DPP10: variants seen among roughly 807,000 people sequenced by gnomAD.
DPP10 encodes dipeptidyl peptidase like 10.
DPP10 carries 33 observed loss-of-function variants against 120.9 expected under a neutral mutation model. The ratio of observed to expected loss-of-function variants is 0.27; its 90% CI spans 0.21 to 0.37. DPP10 has a LOEUF of 0.37. DPP10 is among the 10% of genes least tolerant of loss of function. The pLI, the probability that DPP10 is intolerant of heterozygous loss-of-function variation, is 1.00. For missense variants in DPP10, 816 were observed against 942.8 expected (o/e 0.87, Z 1.76); for synonymous variants, 337 against 326.1 (o/e 1.03, Z -0.36).
At chr2:115,750,361 A>G (rs62156285) in intron 10 of DPP10, among the ~76,000 whole-genome samples, 12,384 of 152,256 alleles carry the variant, frequency 0.081, 666 homozygotes, top group Non-Finnish European at 0.12. Context: ...CTCCCTGCCT[A>G]TGTGTCAAGC....
intron 3 of DPP10, among the ~76,000 whole-genome samples, chr2:115,435,001 CA>C: frequency 6.6e-6 from 1 of 151,248 alleles, no homozygotes; most frequent in South Asian, 2.1e-4. Flanking sequence ...CTGCAAATGA[CA>C]AGATTTTATT....
intron 7 of DPP10, among the ~76,000 whole-genome samples, chr2:115,709,988 G>A (rs1008601329): frequency 8.5e-5 from 13 of 152,168 alleles, no homozygotes; most frequent in African/African-American, 2.6e-4. Context: ...AAATGTTAGC[G>A]AAACTGTTGA....
chr2:115,236,615 G>A (rs1236082779), intron 1 of DPP10, among the ~76,000 whole-genome samples: 1 of 152,154 alleles, frequency 6.6e-6, no homozygotes, highest in Admixed American at 6.6e-5. Flanking sequence ...TCTCTGGCCA[G>A]ACACCACCAA....
chr2:115,177,624 T>C (rs575121098), intron 1 of DPP10, among the ~76,000 whole-genome samples: 49 of 152,244 alleles, frequency 3.2e-4, no homozygotes, highest in Non-Finnish European at 7.1e-4. Flanking sequence ...AATATTATTT[T>C]CATTTCTTTC....
chr2:115,347,947 A>G (rs1301673727), intron 3 of DPP10, among the ~76,000 whole-genome samples: 1 of 152,062 alleles, frequency 6.6e-6, no homozygotes, highest in Non-Finnish European at 1.5e-5. Flanking sequence ...AAATATACAT[A>G]TGCATGTGTC....
At position 115,286,526 on chromosome 2, in the gene DPP10, A is replaced by ATATATATATATATATATATATATATAT. The variant is rs10675008; in HGVS notation, c.61-22713_61-22712insTATATATATATATATATATATATATAT. Among the ~76,000 whole-genome samples the ATATATATATATATATATATATATATAT allele has an allele frequency of 1.0e-3, 62 of 60,908 alleles. 6 individuals carry two copies. Among genetic ancestry groups the ATATATATATATATATATATATATATAT allele is most frequent in the Non-Finnish European group, 1.4e-3 (43 of 30,116 alleles). The allele number at this position is 60,908 out of a possible 152,430, so 40.0% of individuals were successfully genotyped here. On this transcript the variant is annotated intron_variant, in intron 1 of 25. Transcript: ENST00000410059. ...TATTACATATATAATATATATATAT[A>ATATATATATATATATATATATATATAT]ATATATATATATATAAAATATATAC... is the stretch of plus-strand genomic sequence containing the variant.
chr2:115,394,030 G>T (rs1334588665), intron 3 of DPP10, among the ~76,000 whole-genome samples: 1 of 152,148 alleles, frequency 6.6e-6, no homozygotes, highest in Non-Finnish European at 1.5e-5. Context: ...ATTATGCAGA[G>T]ATTGAATTAT....
At chr2:115,383,849 G>T in intron 3 of DPP10, among the ~76,000 whole-genome samples, 1 of 152,140 alleles carries the variant, frequency 6.6e-6, no homozygotes, top group East Asian at 1.9e-4. Context: ...GCTACAAAAA[G>T]TTAGTTGAGA....
At chr2:114,796,796 A>G (rs539454055) in intron 1 of DPP10, among the ~76,000 whole-genome samples, 2 of 152,332 alleles carry the variant, frequency 1.3e-5, no homozygotes, top group South Asian at 2.1e-4. Context: ...TATTTCTAAC[A>G]TGGCAGTTCA....
chr2:115,815,653 T>C (rs761862653), intron 20 of DPP10, 22 bp from the exon 21 acceptor site: 3 of 1,594,450 alleles, frequency 1.9e-6, no homozygotes, highest in Admixed American at 1.7e-5. Flanking sequence ...GATATAACTA[T>C]TGTTTTTCGT....
intron 1 of DPP10, among the ~76,000 whole-genome samples, chr2:114,575,404 G>C (rs1689977623): frequency 6.6e-6 from 1 of 152,098 alleles, no homozygotes; most frequent in Non-Finnish European, 1.5e-5. Flanking sequence ...GGAAGACGAG[G>C]ATGTGGATGA....
chr2:115,333,392 G>T (rs1405044817), intron 2 of DPP10, among the ~76,000 whole-genome samples: 3 of 152,122 alleles, frequency 2.0e-5, no homozygotes, highest in Admixed American at 1.3e-4. Context: ...GCCAGTCTGT[G>T]TCTTTTAATT....
intron 1 of DPP10, among the ~76,000 whole-genome samples, chr2:115,220,357 C>A (rs2057073374): frequency 6.6e-6 from 1 of 152,064 alleles, no homozygotes. Context: ...AATTAGTTAC[C>A]TCGTGTAGAT....
rs541946771 is a variant in DPP10, at chr2:115,541,863, A to C, written c.441+15891A>C. On this transcript the variant is annotated intron_variant, in intron 5 of 25. Coordinates refer to ENST00000410059, the MANE Select transcript of DPP10 (RefSeq NM_020868.6). ...ATAAGTAAATTACGTAGCATGTTAC[A>C]TGGTGGTAAGTGCTAGGGAGACTTT... Among the ~76,000 whole-genome samples the C allele has an allele frequency of 9.9e-5, 15 of 152,016 alleles. 1 individual carries two copies. The highest frequency in any genetic ancestry group is 3.4e-4 in the African/African-American group (14 of 41,536).
chr2:115,094,461 C>A (rs778738875), intron 1 of DPP10, among the ~76,000 whole-genome samples: 1 of 152,110 alleles, frequency 6.6e-6, no homozygotes, highest in Non-Finnish European at 1.5e-5. Flanking sequence ...ATCTTCAATC[C>A]TCTAACTTAC....
chr2:115,674,101 T>C (rs964858555), intron 5 of DPP10, among the ~76,000 whole-genome samples: 4 of 152,148 alleles, frequency 2.6e-5, no homozygotes, highest in Non-Finnish European at 4.4e-5. Context: ...GACGCTTGCC[T>C]GTAATCCCAG....
intron 2 of DPP10, 38 bp from the exon 3 acceptor site, chr2:115,343,779 T>C: frequency 6.8e-7 from 1 of 1,465,348 alleles, no homozygotes; most frequent in South Asian, 1.2e-5. Flanking sequence ...AAAACAAGCA[T>C]AAGATAGGCA....
intron 3 of DPP10, among the ~76,000 whole-genome samples, chr2:115,378,349 CTGTT>C (rs200526237): frequency 0.38 from 54,991 of 145,450 alleles, 12,221 homozygotes; most frequent in Non-Finnish European, 0.52. Flanking sequence ...ATTTGGCTCT[CTGTT>C]TGTCTGTTGT....
At chr2:114,818,318 G>T (rs952080953) in intron 1 of DPP10, among the ~76,000 whole-genome samples, 2 of 152,120 alleles carry the variant, frequency 1.3e-5, no homozygotes, top group Admixed American at 1.3e-4. Flanking sequence ...TTAGGACTAT[G>T]CTCTCTAACA....
Sources: allele counts gnomAD v4.1 joint callset (sites outside exome capture counted in the v4.1 genomes callset), GRCh38; gene constraint gnomAD v4.1.1; transcripts MANE v1.5; gene names NCBI Gene and HGNC (gene_info 2026-07-23, HGNC 2026-07-21).